DSCAML1: variants seen among roughly 807,000 people sequenced by gnomAD.
The protein encoded by DSCAML1 is DS cell adhesion molecule like 1, also known as cell adhesion molecule DSCAML1.
DSCAML1 carries 38 observed loss-of-function variants against 200.5 expected under a neutral mutation model. That is an observed-to-expected ratio of 0.19 (90% CI 0.15 to 0.25). The LOEUF (loss-of-function observed/expected upper bound fraction) is 0.25. DSCAML1 is among the 10% of genes least tolerant of loss of function. The pLI, the probability that DSCAML1 is intolerant of heterozygous loss-of-function variation, is 1.00. For synonymous variants in DSCAML1, 1,215 were observed against 1,165.0 expected (o/e 1.04, Z -0.87); for missense variants, 2,223 against 2,858.8 (o/e 0.78, Z 5.07).
chr11:117,745,083 C>G (rs775430345), intron 3 of DSCAML1, among the ~76,000 whole-genome samples: 6 of 152,064 alleles, frequency 3.9e-5, no homozygotes, highest in South Asian at 4.1e-4. Context: ...CATAAGAGAA[C>G]GCTTCCATTT....
At chr11:117,484,044 GC>G (rs2048987066) in intron 11 of DSCAML1, among the ~76,000 whole-genome samples, 1 of 8,904 alleles carries the variant, frequency 1.1e-4, no homozygotes, top group African/African-American at 4.6e-4. Context: ...CCTGCCCCCC[GC>G]CCCTGCCCCG....
intron 15 of DSCAML1, among the ~76,000 whole-genome samples, chr11:117,471,192 G>C (rs1347398438): frequency 6.7e-6 from 1 of 149,836 alleles, no homozygotes; most frequent in East Asian, 1.9e-4. Context: ...TTTTTTTTGA[G>C]ATGGAGTCTT....
intron 3 of DSCAML1, among the ~76,000 whole-genome samples, chr11:117,683,310 C>G (rs1254914291): frequency 6.6e-6 from 1 of 152,178 alleles, no homozygotes; most frequent in Non-Finnish European, 1.5e-5. Flanking sequence ...GACGTCCCAG[C>G]CTGCATCTTT....
At chr11:117,798,120 G>A (rs922020477), upstream of DSCAML1, among the ~76,000 whole-genome samples, 1 of 151,326 alleles carries the variant, frequency 6.6e-6, no homozygotes, top group African/African-American at 2.4e-5. Flanking sequence ...CAAAATAAGA[G>A]GATACATAGA....
At chr11:117,590,806 G>A (rs2051244546) in intron 3 of DSCAML1, among the ~76,000 whole-genome samples, 1 of 152,218 alleles carries the variant, frequency 6.6e-6, no homozygotes, top group South Asian at 2.1e-4. Flanking sequence ...TGCAGACTGA[G>A]AATGGGATGA....
chr11:117,781,175 C>T (rs1289770553), intron 1 of DSCAML1, among the ~76,000 whole-genome samples: 2 of 151,648 alleles, frequency 1.3e-5, no homozygotes, highest in African/African-American at 2.4e-5. Context: ...TCTGTAGTTT[C>T]AGCTGCTCGA....
rs986784257 is a variant in DSCAML1, at chr11:117,502,099, G to T, written c.2359+1746C>A. Among the ~76,000 whole-genome samples the T allele has an allele frequency of 1.9e-4, 29 of 152,312 alleles. 1 individual carries two copies. Among genetic ancestry groups the T allele is most frequent in the Middle Eastern group, 6.8e-3 (2 of 294 alleles). ...TCAGAGCACTTTGCAGTTGCTGCTG[G>T]GTTGCCAAGTGAGGATGGCATAGGA... On this transcript the variant is annotated intron_variant, in intron 11 of 32. Coordinates refer to ENST00000651296, the MANE Select transcript of DSCAML1 (RefSeq NM_020693.4).
chr11:117,483,770 C>T (rs2048978421), intron 11 of DSCAML1, among the ~76,000 whole-genome samples: 1 of 152,186 alleles, frequency 6.6e-6, no homozygotes, highest in South Asian at 2.1e-4. Context: ...TACCCTTGTC[C>T]TTTTCTTCTC....
At chr11:117,745,343 T>G (rs2054500586) in intron 3 of DSCAML1, among the ~76,000 whole-genome samples, 1 of 151,998 alleles carries the variant, frequency 6.6e-6, no homozygotes, top group South Asian at 2.1e-4. Flanking sequence ...AACACCTGAC[T>G]GCAAAACAAA....
intron 3 of DSCAML1, among the ~76,000 whole-genome samples, chr11:117,567,960 T>C (rs1251555495): frequency 6.6e-6 from 1 of 152,106 alleles, no homozygotes; most frequent in African/African-American, 2.4e-5. Flanking sequence ...TGAACATTGA[T>C]GCAAAAATCC....
chr11:117,533,531 C>G (rs1241952362), intron 3 of DSCAML1, among the ~76,000 whole-genome samples: 1 of 152,202 alleles, frequency 6.6e-6, no homozygotes, highest in African/African-American at 2.4e-5. Flanking sequence ...ATCATTCAAA[C>G]AGTTCTCAAA....
chr11:117,673,059 G>T (rs892926715), intron 3 of DSCAML1, among the ~76,000 whole-genome samples: 2 of 152,030 alleles, frequency 1.3e-5, no homozygotes, highest in Non-Finnish European at 2.9e-5. Flanking sequence ...TCGGGCAATC[G>T]GTTTTCATCG....
chr11:117,596,374 C>T (rs1450433746), intron 3 of DSCAML1, among the ~76,000 whole-genome samples: 1 of 140,274 alleles, frequency 7.1e-6, no homozygotes, highest in East Asian at 2.0e-4. Flanking sequence ...CCAGAACATG[C>T]CATTCTTCTC....
intron 8 of DSCAML1, among the ~76,000 whole-genome samples, chr11:117,513,726 G>C (rs1249821226): frequency 6.0e-5 from 8 of 132,970 alleles, no homozygotes; most frequent in Non-Finnish European, 1.2e-4. Context: ...GGGTGACAGA[G>C]CAAGACTCTA....
intron 3 of DSCAML1, among the ~76,000 whole-genome samples, chr11:117,651,301 T>C (rs2052626903): frequency 6.6e-6 from 1 of 152,196 alleles, no homozygotes; most frequent in South Asian, 2.1e-4. Context: ...GTGGCAGCAC[T>C]TTGTCCAGTG....
intron 3 of DSCAML1, among the ~76,000 whole-genome samples, chr11:117,678,854 G>A (rs977681858): frequency 3.3e-5 from 5 of 152,392 alleles, no homozygotes; most frequent in African/African-American, 9.6e-5. Context: ...GCTTCTACTC[G>A]GAATGGGGCA....
At chr11:117,709,882 C>G (rs1410044108) in intron 3 of DSCAML1, 1 of 414,736 alleles carries the variant, frequency 2.4e-6, no homozygotes, top group Non-Finnish European at 4.8e-6. Flanking sequence ...GAGACAGGTC[C>G]AGACAGAAGG....
chr11:117,538,437 C>T (rs1005897711), intron 3 of DSCAML1, among the ~76,000 whole-genome samples: 3 of 152,182 alleles, frequency 2.0e-5, no homozygotes, highest in Admixed American at 6.5e-5. Flanking sequence ...GTTGGGGCTG[C>T]CGGGCCCCCA....
At chr11:117,451,595 G>A (rs981924262) in intron 19 of DSCAML1, among the ~76,000 whole-genome samples, 9 of 152,282 alleles carry the variant, frequency 5.9e-5, no homozygotes, top group South Asian at 2.1e-4. Context: ...AAGCCAAGGC[G>A]GGCGGATCCC....
Sources: allele counts gnomAD v4.1 joint callset (sites outside exome capture counted in the v4.1 genomes callset), GRCh38; gene constraint gnomAD v4.1.1; transcripts MANE v1.5; gene names NCBI Gene and HGNC (gene_info 2026-07-23, HGNC 2026-07-21).